CPED1: variants seen among roughly 807,000 people sequenced by gnomAD.
CPED1 encodes cadherin-like and PC-esterase domain-containing protein 1.
CPED1 carries 114 observed loss-of-function variants against 128.2 expected under a neutral mutation model. The ratio of observed to expected loss-of-function variants is 0.89; its 90% CI spans 0.76 to 1.04. The LOEUF is 1.04. Ranked by LOEUF, CPED1 falls within the 50% of genes least tolerant of loss-of-function variation. The probability of loss-of-function intolerance (pLI) is 0.00; values close to 1 mark genes in which losing one functional copy is unlikely to be tolerated. For synonymous variants in CPED1, 462 were observed against 426.7 expected, an observed-to-expected ratio of 1.08 and a Z score of -1.02; for missense variants, 1,211 against 1,207.1, an observed-to-expected ratio of 1.00 and a Z score of -0.05.
At chr7:121,105,952 T>C (rs1563027744) in intron 7 of CPED1, among the ~76,000 whole-genome samples, 3 of 152,190 alleles carry the variant, frequency 2.0e-5, no homozygotes, top group South Asian at 2.1e-4. Flanking sequence ...TGATCATCTT[T>C]ATCTGGCCAA....
chr7:121,264,221 T>G (rs2116741198), intron 18 of CPED1, among the ~76,000 whole-genome samples: 1 of 152,204 alleles, frequency 6.6e-6, no homozygotes, highest in African/African-American at 2.4e-5. Context: ...GTTGTTGAAG[T>G]CACACAGTCT....
At chr7:121,153,754 A>G (rs1277737175) in intron 16 of CPED1, among the ~76,000 whole-genome samples, 1 of 152,136 alleles carries the variant, frequency 6.6e-6, no homozygotes, top group East Asian at 1.9e-4. Context: ...ACCATTGCAT[A>G]ACACAGGATT....
At chr7:121,142,802 C>T (rs1003044905) in intron 16 of CPED1, among the ~76,000 whole-genome samples, 5 of 151,960 alleles carry the variant, frequency 3.3e-5, no homozygotes, top group African/African-American at 1.2e-4. Flanking sequence ...ATATCATATA[C>T]CCCTTGCTAC....
At chr7:121,049,613 T>A (rs1287040896) in intron 4 of CPED1, among the ~76,000 whole-genome samples, 1 of 152,180 alleles carries the variant, frequency 6.6e-6, no homozygotes, top group Non-Finnish European at 1.5e-5. Flanking sequence ...CTATTCAAGG[T>A]TTTTTGTGAG....
intron 22 of CPED1, among the ~76,000 whole-genome samples, chr7:121,291,638 G>T (rs534154967): frequency 6.6e-6 from 1 of 152,224 alleles, no homozygotes; most frequent in Non-Finnish European, 1.5e-5. Context: ...TGTGATTTTT[G>T]CACATTGATC....
At chr7:121,178,879 T>G (rs1796840125) in intron 16 of CPED1, among the ~76,000 whole-genome samples, 1 of 152,012 alleles carries the variant, frequency 6.6e-6, no homozygotes, top group Admixed American at 6.6e-5. Context: ...GGATTGGAGA[T>G]GCAGGTGTCA....
In CPED1 at chr7:121,266,370, T is replaced by C; in HGVS notation, c.2454T>C (p.Tyr818=). 2 of 1,613,256 alleles carry C rather than the reference T, an allele frequency of 1.2e-6. No homozygotes were observed. The highest frequency in any genetic ancestry group is 1.7e-6 in the Non-Finnish European group (2 of 1,179,466). ...ATGGTGGGAAGACTTTGATCAGTTA[T>C]TCCTACTATCCCCAGTTCTGGATAA... The part of the protein sequence containing the change: ...NVNGGKTLIS[Y]SYYPQFWISP... Residue 818 remains tyrosine, a synonymous_variant, in exon 19 of 23, where the codon TAT becomes TAC. Coordinates refer to ENST00000310396, the MANE Select transcript of CPED1 (RefSeq NM_024913.5).
intron 16 of CPED1, among the ~76,000 whole-genome samples, chr7:121,232,757 G>A (rs1403888076): frequency 1.3e-5 from 2 of 152,054 alleles, no homozygotes; most frequent in East Asian, 3.9e-4. Flanking sequence ...GGTCTCTTTG[G>A]AAGGAGCTAT....
chr7:121,088,624 A>G (rs533449094), intron 5 of CPED1, among the ~76,000 whole-genome samples: 95 of 150,630 alleles, frequency 6.3e-4, no homozygotes, highest in African/African-American at 2.3e-3. Flanking sequence ...GTCCCACTGC[A>G]CTCCAGCCTG....
chr7:120,990,588 A>G (rs1166075953), intron 2 of CPED1, among the ~76,000 whole-genome samples: 2 of 152,206 alleles, frequency 1.3e-5, no homozygotes, highest in Non-Finnish European at 2.9e-5. Flanking sequence ...CCTCATGCCT[A>G]TCAGTAATAT....
At chr7:121,146,987 G>C (rs1563044960) in intron 16 of CPED1, among the ~76,000 whole-genome samples, 3 of 151,974 alleles carry the variant, frequency 2.0e-5, no homozygotes, top group Non-Finnish European at 2.9e-5. Flanking sequence ...AGCACTCTTG[G>C]CCTCTATCCA....
intron 2 of CPED1, among the ~76,000 whole-genome samples, chr7:121,007,230 C>CTTTTTTTTTTTTTT (rs147867549): frequency 2.6e-5 from 3 of 115,848 alleles, no homozygotes; most frequent in Non-Finnish European, 1.8e-5. Context: ...GTTCAGGTTG[C>CTTTTTTTTTTTTTT]ATTTTTTTTT....
intron 16 of CPED1, among the ~76,000 whole-genome samples, chr7:121,156,019 A>G (rs924763309): frequency 1.3e-5 from 2 of 152,230 alleles, no homozygotes; most frequent in East Asian, 3.8e-4. Flanking sequence ...AATAAATCTG[A>G]TTTTAAAATG....
At chr7:121,096,291 C>G (rs556664321) in intron 5 of CPED1, among the ~76,000 whole-genome samples, 33 of 152,222 alleles carry the variant, frequency 2.2e-4, no homozygotes, top group Admixed American at 8.5e-4. Context: ...CTTCTGCTGA[C>G]TTTTACTTAA....
At chr7:121,170,342 A>G (rs1309386159) in intron 16 of CPED1, among the ~76,000 whole-genome samples, 2 of 152,058 alleles carry the variant, frequency 1.3e-5, no homozygotes, top group Non-Finnish European at 2.9e-5. Context: ...ATTTTTATGG[A>G]GTAGCTGAAT....
rs946495942 is a variant in CPED1 at position 121,146,654 on chromosome 7, A to T, written c.2055+4513A>T. Among the ~76,000 whole-genome samples, 3 of 152,326 alleles carry T rather than the reference A, an allele frequency of 2.0e-5. No individual in the cohort carries two copies. In the South Asian group the frequency reaches 6.2e-4, roughly 32 times the overall value. On this transcript the variant is annotated intron_variant, in intron 16 of 22. Transcript: ENST00000310396. ...CAATAACATTTTGATAAATAGTAAG[A>T]TAATTTGATTAATTTATTAATAGAC...
At chr7:121,198,090 T>C (rs2116552536) in intron 16 of CPED1, among the ~76,000 whole-genome samples, 1 of 152,234 alleles carries the variant, frequency 6.6e-6, no homozygotes, top group East Asian at 1.9e-4. Context: ...AGAACAAGAT[T>C]ACAATAAAAA....
intron 5 of CPED1, among the ~76,000 whole-genome samples, chr7:121,082,818 TA>T (rs1402083079): frequency 6.6e-6 from 1 of 152,168 alleles, no homozygotes; most frequent in East Asian, 1.9e-4. Context: ...GTCTTATAAA[TA>T]AGAAAATAAG....
At chr7:121,168,711 C>A (rs897956384) in intron 16 of CPED1, among the ~76,000 whole-genome samples, 2 of 152,098 alleles carry the variant, frequency 1.3e-5, no homozygotes, top group Non-Finnish European at 2.9e-5. Flanking sequence ...CATTAACCAT[C>A]CCCCACCTCT....
Sources: gnomAD v4.1 joint callset for allele counts (sites outside exome capture counted in the v4.1 genomes callset) on GRCh38, gnomAD v4.1.1 for gene constraint, MANE v1.5 for transcripts, NCBI Gene and HGNC (gene_info 2026-07-23, HGNC 2026-07-21) for gene names.